Variants in FGL1 observed in about 807,000 individuals in gnomAD.
FGL1 encodes fibrinogen-like protein 1.
FGL1 carries 59 observed loss-of-function variants against 43.7 expected under a neutral mutation model. That is an observed-to-expected ratio of 1.35 (90% CI 1.10 to 1.68). FGL1 has a LOEUF of 1.68. Among genes scored for constraint, FGL1 ranks in the 40% most tolerant of loss-of-function variants. The pLI, the probability that FGL1 is intolerant of heterozygous loss-of-function variation, is 0.00. For missense variants in FGL1, 596 were observed against 373.0 expected (o/e 1.60, Z -4.92); for synonymous variants, 192 against 126.5 (o/e 1.52, Z -3.48).
At chr8:17,874,631 G>T in intron 3 of FGL1, 110 bp from the exon 4 acceptor site, 1 of 674,544 alleles carries the variant, frequency 1.5e-6, no homozygotes, top group East Asian at 2.9e-5. Flanking sequence ...GATAACACAT[G>T]GTATAGAAAT....
Position 17,875,532 on chromosome 8 carries a change from T to TC in FGL1, c.245-1012_245-1011insG, listed in dbSNP as rs1563452332. Among the ~76,000 whole-genome samples, 30 of 14,504 alleles carry TC rather than the reference T, an allele frequency of 2.1e-3. 6 individuals carry two copies. The highest frequency in any genetic ancestry group is 6.2e-3 in the African/African-American group (29 of 4,672). The allele number at this position is 14,504 out of a possible 152,430, so 9.5% of individuals were successfully genotyped here. A position where few individuals can be genotyped will look rare whatever the true frequency, so the allele number is the denominator to read the frequency against. ...CTTTCTTTCTTTCTTTCTTTCTTTCTTTCTCTTTCTTTCTTTCTTTCTTTC... is the reference window on the plus strand; with the variant it reads ...CTTTCTTTCTTTCTTTCTTTCTTTCTCTTCTCTTTCTTTCTTTCTTTCTTTC... On this transcript the variant is annotated intron_variant, in intron 3 of 7. Coordinates refer to ENST00000427924, the MANE Select transcript of FGL1 (RefSeq NM_004467.4).
chr8:17,878,901 A>G (rs2053495265), intron 3 of FGL1, among the ~76,000 whole-genome samples: 1 of 150,124 alleles, frequency 6.7e-6, no homozygotes, highest in Non-Finnish European at 1.5e-5. Context: ...ATACCATATT[A>G]TATATATATA....
intron 5 of FGL1, among the ~76,000 whole-genome samples, chr8:17,872,449 T>C (rs910481906): frequency 9.9e-5 from 15 of 152,086 alleles, no homozygotes; most frequent in Non-Finnish European, 1.9e-4. Context: ...ATTACAGTGC[T>C]GTGCCACCAT....
rs2053313876 is a variant in FGL1 at position 17,868,906 on chromosome 8, A to C, written c.591+10T>G. 2.5e-6 allele frequency: 4 copies of C among 1,577,838 alleles called. No homozygotes were observed. The highest frequency in any genetic ancestry group is 3.4e-6 in the Non-Finnish European group (4 of 1,163,114). ...TATTCACGGTTTTACTTCTTAGAAA[A>C]TTGTAGTACCTTTTCATCTCCAACT... On this transcript the variant is annotated intron_variant, in intron 6 of 7. Coordinates refer to ENST00000427924, the MANE Select transcript of FGL1 (RefSeq NM_004467.4).
intron 3 of FGL1, among the ~76,000 whole-genome samples, chr8:17,874,997 C>A (rs537952974): frequency 4.6e-5 from 7 of 152,056 alleles, no homozygotes; most frequent in Admixed American, 3.9e-4. Flanking sequence ...CTGTTAATAA[C>A]AGTATATTTA....
At chr8:17,872,266 G>A (rs2053374892) in intron 5 of FGL1, among the ~76,000 whole-genome samples, 2 of 137,114 alleles carry the variant, frequency 1.5e-5, no homozygotes, top group African/African-American at 6.0e-5. Context: ...CCAGAACTTG[G>A]ATGGAACAAA....
intron 1 of FGL1, among the ~76,000 whole-genome samples, chr8:17,890,233 C>T (rs2053685165): frequency 6.6e-6 from 1 of 152,132 alleles, no homozygotes; most frequent in African/African-American, 2.4e-5. Context: ...CCCAAGCTAC[C>T]AATGGAAGAT....
intron 1 of FGL1, among the ~76,000 whole-genome samples, chr8:17,890,882 A>G (rs1563463382): frequency 6.6e-6 from 1 of 152,098 alleles, no homozygotes; most frequent in Non-Finnish European, 1.5e-5. Flanking sequence ...AGCTGCCCCC[A>G]TGATTCAATT....
chr8:17,888,395 A>G (rs570763265), intron 1 of FGL1, among the ~76,000 whole-genome samples: 8 of 152,298 alleles, frequency 5.3e-5, no homozygotes, highest in African/African-American at 1.9e-4. Flanking sequence ...TGAAAGGTAA[A>G]ATCATTTTCT....
At chr8:17,869,776 G>T (rs1036232776) in intron 5 of FGL1, among the ~76,000 whole-genome samples, 1 of 152,284 alleles carries the variant, frequency 6.6e-6, no homozygotes, top group Middle Eastern at 3.4e-3. Flanking sequence ...GAGTAAAAAG[G>T]TATTTCTGAA....
intron 7 of FGL1, among the ~76,000 whole-genome samples, chr8:17,867,393 G>A (rs2053285139): frequency 6.6e-6 from 1 of 152,062 alleles, no homozygotes; most frequent in African/African-American, 2.4e-5. Flanking sequence ...GAACGCTAGG[G>A]GGAAAAATCT....
intron 5 of FGL1, among the ~76,000 whole-genome samples, chr8:17,869,209 C>T (rs938145258): frequency 2.6e-5 from 4 of 151,504 alleles, no homozygotes; most frequent in South Asian, 2.1e-4. Flanking sequence ...ATGATGGATA[C>T]AATATTAAAT....
chr8:17,867,999 A>G (rs1377800143), intron 7 of FGL1, among the ~76,000 whole-genome samples: 1 of 152,170 alleles, frequency 6.6e-6, no homozygotes, highest in African/African-American at 2.4e-5. Context: ...TCAAAAACGG[A>G]ATGAATTTGC....
chr8:17,878,036 C>T lies in FGL1; in HGVS notation c.245-3515G>A, dbSNP rs368385515. Among the ~76,000 whole-genome samples, 7 of 152,260 alleles carry T rather than the reference C, an allele frequency of 4.6e-5. No homozygotes were observed. In the East Asian group the frequency reaches 7.7e-4, roughly 17 times the overall value. On this transcript the variant is annotated intron_variant, in intron 3 of 7. Coordinates refer to ENST00000427924, the MANE Select transcript of FGL1 (RefSeq NM_004467.4). ...GGTTGTAGTGCAGTGGCACAGTCAG[C>T]TCACTGCAGCCCCAAACTTCTGCAA...
rs753111282 is a variant in FGL1 at position 17,874,419 on chromosome 8, T to C, written c.347A>G (p.Asp116Gly). Residue 116 changes from aspartate to glycine, a missense_variant, in exon 4 of 8, where the codon GAT becomes GGT. Physicochemically the swap from Asp to Gly is moderately conservative, Grantham distance 94. Transcript: ENST00000427924. ...CTGAATTACAGTCCATCCTCCTCCATCGGACATGTCACAATAAACAGAAAA... is the reference window on the plus strand; with the variant it reads ...CTGAATTACAGTCCATCCTCCTCCACCGGACATGTCACAATAAACAGAAAA... Reference protein sequence around the residue: ...AEFSVYCDMSDGGGWTVIQRR... With the variant: ...AEFSVYCDMSGGGGWTVIQRR... 1.2e-6 allele frequency: 2 copies of C among 1,614,132 alleles called. No individual in the cohort carries two copies. Among genetic ancestry groups the C allele is most frequent in the Non-Finnish European group, 1.7e-6 (2 of 1,179,986 alleles).
chr8:17,880,804 C>T (rs117816066), intron 3 of FGL1, among the ~76,000 whole-genome samples: 3,107 of 152,242 alleles, frequency 0.02, 58 homozygotes, highest in South Asian at 0.042. Flanking sequence ...TGGAGGAATT[C>T]AAGTGAACAG....
chr8:17,868,888 G>A (rs758894433), intron 6 of FGL1, 28 bp downstream of exon 6: 120 of 1,528,274 alleles, frequency 7.9e-5, no homozygotes, highest in Middle Eastern at 1.7e-4. Flanking sequence ...ATTTATTCAC[G>A]GTTTTACTTC....
At position 17,868,635 on chromosome 8, in the gene FGL1, C is replaced by A; in HGVS notation, c.692G>T (p.Arg231Ile). Residue 231 changes from arginine to isoleucine, a missense_variant, in exon 7 of 8, where the codon AGA becomes ATA. Physicochemically the swap from Arg to Ile is moderately conservative, Grantham distance 97. Coordinates refer to ENST00000427924, the MANE Select transcript of FGL1 (RefSeq NM_004467.4). ...TCTGTCCCACGTGCTGAATTTCATT[C>A]TTTGGTGACTAGCCCACCACTGCAC... is the stretch of plus-strand genomic sequence containing the variant. ...PEVQWWASHQ[R>I]MKFSTWDRDH... The A allele has an allele frequency of 1.2e-6, 2 of 1,614,120 alleles. No individual in the cohort carries two copies. Among genetic ancestry groups the A allele is most frequent in the Non-Finnish European group, 1.7e-6 (2 of 1,180,006 alleles).
Position 17,874,011 on chromosome 8 carries a change from A to G in FGL1, c.502+8T>C. On this transcript the variant is annotated splice_region_variant and intron_variant, in intron 5 of 7. Transcript: ENST00000427924. ...TTTCAAATAAATCTGACATCATTCA[A>G]ACCTTACCTTGAGTGGTCAAGAAGT... The G allele has an allele frequency of 1.3e-6, 2 of 1,577,558 alleles. No homozygotes were observed. The highest frequency in any genetic ancestry group is 1.7e-6 in the Non-Finnish European group (2 of 1,166,614).
Sources: allele counts gnomAD v4.1 joint callset (sites outside exome capture counted in the v4.1 genomes callset), GRCh38; gene constraint gnomAD v4.1.1; transcripts MANE v1.5; gene names NCBI Gene and HGNC (gene_info 2026-07-23, HGNC 2026-07-21).